Variants in IL24 observed in about 807,000 individuals in gnomAD.
IL24 encodes the protein interleukin 24, also known as interleukin-24.
In IL24, 24 loss-of-function variants were observed where a neutral mutation model predicts 27.6. That is an observed-to-expected ratio of 0.87 (90% confidence interval 0.63 to 1.22). IL24 has a LOEUF of 1.22. Among genes scored for constraint, IL24 ranks in the 50% most tolerant of loss-of-function variants. IL24 has a pLI of 0.00. For synonymous variants in IL24, 99 were observed against 93.1 expected, an observed-to-expected ratio of 1.06 and a Z score of -0.36; for missense variants, 240 against 237.0, an observed-to-expected ratio of 1.01 and a Z score of -0.08.
At chr1:206,901,110 C>T (rs1204472828) in intron 4 of IL24, among the ~76,000 whole-genome samples, 1 of 152,186 alleles carries the variant, frequency 6.6e-6, no homozygotes, top group African/African-American at 2.4e-5. Flanking sequence ...CCAGCAAACT[C>T]TATATCACCA....
chr1:206,900,420 G>A, intron 4 of IL24, 63 bp downstream of exon 4: 2 of 1,426,558 alleles, frequency 1.4e-6, no homozygotes, highest in Non-Finnish European at 2.0e-6. Flanking sequence ...GGAGTGCAAG[G>A]CTTTCTTAGG....
At chr1:206,901,684 T>C (rs768522251) in intron 5 of IL24, 32 bp downstream of exon 5, 29 of 1,587,648 alleles carry the variant, frequency 1.8e-5, no homozygotes, top group Admixed American at 6.7e-5. Flanking sequence ...TACTGGCAGC[T>C]CTGGGTTCAA....
rs771193700 is a variant in IL24, at chr1:206,902,030, T to C, written c.495T>C (p.Ser165=). ...QENEMFSIRD[S]AHRRFLLFRR... is the part of the protein sequence containing the mutation. ...ATGAGATGTTTTCCATCAGAGACAGTGCACACAGGCGGTTTCTGCTATTCC... is the reference window on the plus strand; with the variant it reads ...ATGAGATGTTTTCCATCAGAGACAGCGCACACAGGCGGTTTCTGCTATTCC... The change falls in exon 6 of 7, where the codon AGT becomes AGC. Residue 165 remains serine (S), a synonymous_variant. Transcript: ENST00000294984. 9 of 1,614,054 alleles carry C rather than the reference T, an allele frequency of 5.6e-6. No homozygotes were observed. The highest frequency in any genetic ancestry group is 1.3e-5 in the African/African-American group (1 of 74,926).
At chr1:206,899,572 G>A (rs1181605778) in intron 3 of IL24, 57 bp downstream of exon 3, 7 of 1,379,550 alleles carry the variant, frequency 5.1e-6, no homozygotes, top group Non-Finnish European at 5.9e-6. Flanking sequence ...CAGTGGGCCA[G>A]TGGGGCGAGG....
intron 2 of IL24, among the ~76,000 whole-genome samples, chr1:206,898,078 C>T (rs1393117243): frequency 6.7e-6 from 1 of 150,242 alleles, no homozygotes; most frequent in Non-Finnish European, 1.5e-5. Context: ...GAGGCATGAG[C>T]ATCACTTGAA....
chr1:206,898,348 G>C (rs1678240427), intron 2 of IL24, among the ~76,000 whole-genome samples: 1 of 152,064 alleles, frequency 6.6e-6, no homozygotes, highest in African/African-American at 2.4e-5. Flanking sequence ...AGGGGTGGGA[G>C]GCAGTTTCTT....
In IL24 at chr1:206,898,050, C is replaced by G. The variant is rs568986648; in HGVS notation, c.44+174C>G. On this transcript the variant is annotated intron_variant, in intron 2 of 6. Coordinates refer to ENST00000294984, the MANE Select transcript of IL24 (RefSeq NM_006850.3). ...TTTGATATTTTCAGATACAAAAATC[C>G]CAGCTACTTGGGCGACTGAGGCATG... 9.9e-5 allele frequency among the ~76,000 whole-genome samples: 15 copies of G among 151,910 alleles called. No homozygotes were observed. In the East Asian group the frequency reaches 2.7e-3, roughly 27 times the overall value.
At chr1:206,901,884 GC>G in intron 5 of IL24, 113 bp from the exon 6 acceptor site, 2 of 1,102,208 alleles carry the variant, frequency 1.8e-6, no homozygotes, top group South Asian at 2.8e-5. Flanking sequence ...GCAGGATTCA[GC>G]CCTGGGCTCT....
chr1:206,902,393 A>AGGGGGGGG, intron 6 of IL24: 2 of 401,768 alleles, frequency 5.0e-6, no homozygotes, highest in Non-Finnish European at 6.6e-6. Context: ...GAAGGGAGAC[A>AGGGGGGGG]CCCCACCCCC....
intron 2 of IL24, among the ~76,000 whole-genome samples, chr1:206,898,867 A>G (rs571489806): frequency 1.5e-4 from 23 of 152,280 alleles, no homozygotes; most frequent in African/African-American, 5.5e-4. Flanking sequence ...AAGACCTGCC[A>G]GCCTATGTGT....
chr1:206,897,941 T>A lies in IL24; in HGVS notation c.44+65T>A. 3.7e-6 allele frequency: 4 copies of A among 1,090,344 alleles called. No individual in the cohort carries two copies. In the South Asian group the frequency reaches 4.1e-5, roughly 11 times the overall value. 67.5% of individuals were successfully genotyped at this position (1,090,344 alleles called of 1,614,324 possible). On this transcript the variant is annotated intron_variant, in intron 2 of 6. Transcript: ENST00000294984. ...GCTGAGGTGGGCAGATCATTTAAGGTCAGGAGTTCGAGACCAGCCTGGCCA... is the reference window on the plus strand; with the variant it reads ...GCTGAGGTGGGCAGATCATTTAAGGACAGGAGTTCGAGACCAGCCTGGCCA...
intron 2 of IL24, 93 bp downstream of exon 2, chr1:206,897,969 A>G: frequency 1.4e-6 from 1 of 690,404 alleles, no homozygotes. Context: ...CCTGGCCAAC[A>G]TGGTGAAACC....
At chr1:206,900,202 G>T in intron 3 of IL24, 93 bp from the exon 4 acceptor site, 2 of 1,151,266 alleles carry the variant, frequency 1.7e-6, no homozygotes, top group Admixed American at 3.5e-5. Flanking sequence ...AGACTAGATA[G>T]ATTTAGGGGT....
chr1:206,901,622 T>C lies in IL24; in HGVS notation c.432T>C (p.Phe144=). The change falls in exon 5 of 7, where the codon TTT becomes TTC. Residue 144 remains phenylalanine (F), a synonymous_variant. Coordinates refer to ENST00000294984, the MANE Select transcript of IL24 (RefSeq NM_006850.3). ...CATTCTCTACTCTGGCCAACAACTTTGTTCTCATCGTGTCACAACTGCAAC... is the reference window on the plus strand; with the variant it reads ...CATTCTCTACTCTGGCCAACAACTTCGTTCTCATCGTGTCACAACTGCAAC... The part of the protein sequence containing the change: ...LKSFSTLANN[F]VLIVSQLQPS... 1.2e-6 allele frequency: 2 copies of C among 1,614,194 alleles called. No individual in the cohort carries two copies. The highest frequency in any genetic ancestry group is 1.7e-5 in the Admixed American group (1 of 60,024).
In IL24 at chr1:206,902,908, T is replaced by C. The variant is rs1007736023; in HGVS notation, c.538-68T>C. On this transcript the variant is annotated intron_variant, in intron 6 of 6. Coordinates refer to ENST00000294984, the MANE Select transcript of IL24 (RefSeq NM_006850.3). ...ATTGGAGTCAGGTCTATTTTAGGCA[T>C]GGCAGGTTGGAAGAAAGACTATTCT... 2.0e-5 allele frequency: 32 copies of C among 1,612,208 alleles called. No individual in the cohort carries two copies. In the East Asian group the frequency reaches 6.5e-4, roughly 33 times the overall value.
Position 206,897,728 on chromosome 1 carries a change from T to C in IL24, c.-102-3T>C, listed in dbSNP as rs754005167. ...AAGTCAATTTTTTTGAGTGTTGATG[T>C]AGGGACAAGACATGACTGTGATGAG... On this transcript the variant is annotated splice_region_variant and splice_polypyrimidine_tract_variant and intron_variant, in intron 1 of 6. Coordinates refer to ENST00000294984, the MANE Select transcript of IL24 (RefSeq NM_006850.3). The C allele has an allele frequency of 4.2e-6, 5 of 1,199,810 alleles. No homozygotes were observed. The South Asian group carries it at 6.5e-5, about 16-fold the overall frequency. 74.3% of individuals were successfully genotyped at this position (1,199,810 alleles called of 1,614,324 possible). A position where few individuals can be genotyped will look rare whatever the true frequency, so the allele number is the denominator to read the frequency against.
Position 206,903,248 on chromosome 1 carries a change from T to C in IL24, c.*189T>C. The C allele has an allele frequency of 1.7e-6, 1 of 580,812 alleles. No homozygotes were observed. The highest frequency in any genetic ancestry group is 2.1e-5 in the South Asian group (1 of 46,730). The allele number at this position is 580,812 out of a possible 1,614,324, so 36.0% of individuals were successfully genotyped here. Reference sequence around the variant, plus strand: ...CAGTGACAGTCAGGGAAGGTGCCTCTGGATGCTGTGAAGAGTCTACAGAGA... The same window carrying C: ...CAGTGACAGTCAGGGAAGGTGCCTCCGGATGCTGTGAAGAGTCTACAGAGA... On this transcript the variant is annotated 3_prime_UTR_variant, in exon 7 of 7. Coordinates refer to ENST00000294984, the MANE Select transcript of IL24 (RefSeq NM_006850.3).
intron 2 of IL24, among the ~76,000 whole-genome samples, 163 bp from the exon 3 acceptor site, chr1:206,899,157 C>T (rs1400928389): frequency 2.6e-5 from 4 of 152,208 alleles, no homozygotes; most frequent in Non-Finnish European, 4.4e-5. Context: ...CCCTGCTTCA[C>T]CCCCACTGCA....
chr1:206,900,111 C>G (rs1199444952), intron 3 of IL24, among the ~76,000 whole-genome samples, 184 bp from the exon 4 acceptor site: 2 of 152,180 alleles, frequency 1.3e-5, no homozygotes. Context: ...TGGCTGCAAC[C>G]TTGTCTCCCC....
Sources: allele counts gnomAD v4.1 joint callset (sites outside exome capture counted in the v4.1 genomes callset), GRCh38; gene constraint gnomAD v4.1.1; transcripts MANE v1.5; gene names NCBI Gene and HGNC (gene_info 2026-07-23, HGNC 2026-07-21).